TSHZ2: variants seen among roughly 807,000 people sequenced by gnomAD.
TSHZ2 encodes the protein teashirt zinc finger homeobox 2, also known as teashirt homolog 2.
In TSHZ2, 21 loss-of-function variants were observed where a neutral mutation model predicts 74.4. The observed-to-expected ratio is 0.28, with a 90% CI of 0.20 to 0.41. The LOEUF (loss-of-function observed/expected upper bound fraction) is 0.41, where lower values mean the gene tolerates loss of function less well. Among genes scored for constraint, TSHZ2 ranks in the 10% least tolerant of loss-of-function variants. TSHZ2 has a pLI of 1.00. For missense variants in TSHZ2, 1,244 were observed against 1,293.5 expected (o/e 0.96, Z 0.59); for synonymous variants, 540 against 515.3 (o/e 1.05, Z -0.65).
intron 1 of TSHZ2, among the ~76,000 whole-genome samples, chr20:53,127,180 T>C (rs1170867746): frequency 6.6e-6 from 1 of 152,220 alleles, no homozygotes; most frequent in Non-Finnish European, 1.5e-5. Context: ...ATTCATTTGT[T>C]ATTTTTCAAT....
chr20:53,156,748 G>A (rs141607484), intron 1 of TSHZ2, among the ~76,000 whole-genome samples: 1 of 152,312 alleles, frequency 6.6e-6, no homozygotes, highest in Non-Finnish European at 1.5e-5. Flanking sequence ...TTTCTACACT[G>A]TGCTGAATTA....
rs567344482 is a variant in TSHZ2, at chr20:53,270,629, C to T, written c.*8+14058C>T. Among the ~76,000 whole-genome samples the T allele has an allele frequency of 7.2e-5, 11 of 151,966 alleles. No individual in the cohort carries two copies. The South Asian group carries it at 1.2e-3, about 17-fold the overall frequency. ...TACACCAAAGCGTGAGATGCAGACA[C>T]ACCACTTATTTGAAGGAGAGAACAG... On this transcript the variant is annotated intron_variant, in intron 2 of 2. Transcript: ENST00000371497.
At chr20:53,298,405 T>C (rs760930158) in intron 2 of TSHZ2, among the ~76,000 whole-genome samples, 3 of 152,208 alleles carry the variant, frequency 2.0e-5, no homozygotes, top group Non-Finnish European at 4.4e-5. Flanking sequence ...GGATGGACTA[T>C]GTGGACGGGG....
intron 2 of TSHZ2, among the ~76,000 whole-genome samples, chr20:53,435,373 G>A (rs911404711): frequency 2.0e-5 from 3 of 152,116 alleles, no homozygotes; most frequent in African/African-American, 7.2e-5. Flanking sequence ...TAAGATGACT[G>A]TTTCCTTCTT....
At chr20:53,434,680 A>G (rs1218086182) in intron 2 of TSHZ2, among the ~76,000 whole-genome samples, 2 of 152,226 alleles carry the variant, frequency 1.3e-5, no homozygotes, top group Non-Finnish European at 2.9e-5. Flanking sequence ...AGAACTTAGG[A>G]AGTCTGGAGA....
chr20:53,267,687 T>A (rs537758277), intron 2 of TSHZ2, among the ~76,000 whole-genome samples: 7 of 152,272 alleles, frequency 4.6e-5, no homozygotes, highest in Admixed American at 1.3e-4. Context: ...ATGCTTGCAA[T>A]AGTCAAGGTC....
intron 1 of TSHZ2, among the ~76,000 whole-genome samples, chr20:53,150,852 C>T (rs1987661169): frequency 6.6e-6 from 1 of 152,146 alleles, no homozygotes; most frequent in Non-Finnish European, 1.5e-5. Context: ...CCAACAGAAA[C>T]ACTGAAATTG....
intron 1 of TSHZ2, among the ~76,000 whole-genome samples, chr20:53,060,370 AAAC>A (rs1443879589): frequency 3.9e-5 from 6 of 152,188 alleles, no homozygotes; most frequent in Non-Finnish European, 8.8e-5. Context: ...CTCACATAAA[AAAC>A]ACTTCACTAC....
At chr20:53,045,483 T>C (rs568270677) in intron 1 of TSHZ2, among the ~76,000 whole-genome samples, 1 of 152,288 alleles carries the variant, frequency 6.6e-6, no homozygotes, top group East Asian at 1.9e-4. Context: ...ATATGCATGG[T>C]GTAGGAAAGG....
intron 1 of TSHZ2, among the ~76,000 whole-genome samples, chr20:53,147,854 T>A (rs944491472): frequency 6.1e-4 from 93 of 152,260 alleles, no homozygotes; most frequent in African/African-American, 2.2e-3. Flanking sequence ...GTAGTTGGGA[T>A]TATAGGCATG....
Position 53,226,844 on chromosome 20 carries a change from G to A in TSHZ2, c.41-26655G>A, listed in dbSNP as rs558013419. Among the ~76,000 whole-genome samples the A allele has an allele frequency of 5.3e-5, 8 of 152,124 alleles. No individual in the cohort carries two copies. The South Asian group carries it at 1.7e-3, about 32-fold the overall frequency. On this transcript the variant is annotated intron_variant, in intron 1 of 2. Coordinates refer to ENST00000371497, the MANE Select transcript of TSHZ2 (RefSeq NM_173485.6). ...TGACTCCAGATATTGTGCCCTGGGA[G>A]GCAAAATCCCCCCGTTGAGATCTAG...
At chr20:53,155,517 G>T (rs1987774886) in intron 1 of TSHZ2, among the ~76,000 whole-genome samples, 1 of 151,820 alleles carries the variant, frequency 6.6e-6, no homozygotes, top group South Asian at 2.1e-4. Context: ...ATATATCAGG[G>T]ACAGTCTCCC....
At chr20:53,105,990 A>T (rs1458253408) in intron 1 of TSHZ2, among the ~76,000 whole-genome samples, 2 of 152,180 alleles carry the variant, frequency 1.3e-5, no homozygotes, top group Non-Finnish European at 2.9e-5. Context: ...GTACATATTT[A>T]TGGGGTACGA....
intron 2 of TSHZ2, among the ~76,000 whole-genome samples, chr20:53,311,654 AC>A: frequency 6.6e-6 from 1 of 152,348 alleles, no homozygotes; most frequent in East Asian, 1.9e-4. Flanking sequence ...CAACTTGGCC[AC>A]ATGTGTCCTG....
rs199643030 is a variant in TSHZ2 at position 53,253,806 on chromosome 20, C to G, written c.348C>G (p.Asn116Lys). Reference protein sequence around the residue: ...KKAHTHVRLPNEAHNCMDKMT... With the variant: ...KKAHTHVRLPKEAHNCMDKMT... ...CACACACTCACGTCAGGCTTCCAAA[C>G]GAAGCACACAATTGCATGGATAAAA... The change falls in exon 2 of 3, where the codon AAC (asparagine) becomes AAG (lysine). Residue 116 changes from asparagine to lysine, a missense_variant. Coordinates refer to ENST00000371497, the MANE Select transcript of TSHZ2 (RefSeq NM_173485.6). 1.9e-6 allele frequency: 3 copies of G among 1,614,046 alleles called. No individual in the cohort carries two copies. In the African/African-American group the frequency reaches 4.0e-5, roughly 22 times the overall value.
At chr20:53,102,696 C>G (rs1452955413) in intron 1 of TSHZ2, among the ~76,000 whole-genome samples, 1 of 152,114 alleles carries the variant, frequency 6.6e-6, no homozygotes, top group African/African-American at 2.4e-5. Context: ...AATCAACCTC[C>G]CCCCATCTTG....
At chr20:52,989,494 A>G (rs1043701224) in intron 1 of TSHZ2, among the ~76,000 whole-genome samples, 1 of 152,236 alleles carries the variant, frequency 6.6e-6, no homozygotes, top group African/African-American at 2.4e-5. Flanking sequence ...ATATAAAATA[A>G]TTAAGCTTTA....
At chr20:53,082,468 G>C (rs570087823) in intron 1 of TSHZ2, among the ~76,000 whole-genome samples, 124 of 152,192 alleles carry the variant, frequency 8.1e-4, no homozygotes, top group African/African-American at 2.8e-3. Context: ...ATTGCATCAA[G>C]TACCTACTAC....
intron 1 of TSHZ2, among the ~76,000 whole-genome samples, chr20:52,990,462 G>T (rs549754890): frequency 6.6e-6 from 1 of 151,814 alleles, no homozygotes; most frequent in Non-Finnish European, 1.5e-5. Context: ...GGGGTGGGGT[G>T]GGGTGGGGAA....
Sources: allele counts gnomAD v4.1 joint callset (sites outside exome capture counted in the v4.1 genomes callset), GRCh38; gene constraint gnomAD v4.1.1; transcripts MANE v1.5; gene names NCBI Gene and HGNC (gene_info 2026-07-23, HGNC 2026-07-21).